The following ACACB variants were observed in gnomAD, a reference collection of about 807,000 sequenced individuals.
ACACB encodes acetyl-CoA carboxylase beta, also known as acetyl-CoA carboxylase 2.
Under a neutral mutation model 278.8 loss-of-function variants are expected in ACACB, and 209 were observed. The observed-to-expected ratio is 0.75, with a 90% CI of 0.67 to 0.84. The LOEUF is 0.84. Ranked by LOEUF, ACACB falls within the 40% of genes least tolerant of loss-of-function variation. The pLI, the probability that ACACB is intolerant of heterozygous loss-of-function variation, is 0.00. For missense variants in ACACB, 2,850 were observed against 3,269.0 expected (o/e 0.87, Z 3.13); for synonymous variants, 1,174 against 1,285.6 (o/e 0.91, Z 1.86).
intron 34 of ACACB, among the ~76,000 whole-genome samples, chr12:109,238,440 TATAAC>T (rs1249532216): frequency 1.6e-4 from 20 of 128,426 alleles, no homozygotes; most frequent in African/African-American, 5.5e-4. Flanking sequence ...TATTATATAA[TATAAC>T]ATATAATATA....
At chr12:109,125,137 CTA>C (rs1181661606) in intron 1 of ACACB, 1 of 152,130 alleles carries the variant, frequency 6.6e-6, no homozygotes, top group African/African-American at 2.4e-5. Flanking sequence ...GGGGCTAAGT[CTA>C]TTTTCAGAGT....
intron 2 of ACACB, among the ~76,000 whole-genome samples, chr12:109,145,702 A>G (rs1212372759): frequency 1.3e-5 from 2 of 152,034 alleles, no homozygotes; most frequent in Non-Finnish European, 2.9e-5. Context: ...TCTGAAAAAA[A>G]ATATTATTTT....
At chr12:109,151,492 A>G (rs1378147352) in intron 2 of ACACB, among the ~76,000 whole-genome samples, 2 of 151,896 alleles carry the variant, frequency 1.3e-5, no homozygotes, top group Non-Finnish European at 2.9e-5. Context: ...GAAAGAGATT[A>G]TTTCATTTTG....
At chr12:109,214,198 G>T (rs985724590) in intron 22 of ACACB, among the ~76,000 whole-genome samples, 3 of 152,138 alleles carry the variant, frequency 2.0e-5, no homozygotes, top group Non-Finnish European at 4.4e-5. Flanking sequence ...GGAGTTCGAG[G>T]TTATAGTGAG....
intron 46 of ACACB, 76 bp downstream of exon 46, chr12:109,258,440 C>G (rs2047288753): frequency 5.7e-6 from 7 of 1,232,450 alleles, no homozygotes; most frequent in Non-Finnish European, 8.1e-6. Flanking sequence ...GTGGGGGTCC[C>G]ATCCCTGCCC....
intron 2 of ACACB, among the ~76,000 whole-genome samples, chr12:109,155,673 A>G (rs1430186184): frequency 1.3e-5 from 2 of 151,870 alleles, no homozygotes; most frequent in East Asian, 3.9e-4. Context: ...ATTCAACATT[A>G]AGTATTTTTC....
At chr12:109,143,938 G>A (rs944720036) in intron 2 of ACACB, among the ~76,000 whole-genome samples, 2 of 152,112 alleles carry the variant, frequency 1.3e-5, no homozygotes, top group African/African-American at 4.8e-5. Context: ...AGACTGAGGT[G>A]GGAGGATCCC....
chr12:109,195,278 T>G (rs1001857188), intron 16 of ACACB, among the ~76,000 whole-genome samples: 1 of 152,250 alleles, frequency 6.6e-6, no homozygotes, highest in Non-Finnish European at 1.5e-5. Context: ...AGTTTGAGTC[T>G]GCTTATGAGA....
At chr12:109,139,305 C>A in intron 1 of ACACB, 92 bp from the exon 2 acceptor site, 1 of 1,206,130 alleles carries the variant, frequency 8.3e-7, no homozygotes, top group Non-Finnish European at 1.2e-6. Flanking sequence ...GAATACACAG[C>A]ACCCCAACAG....
At position 109,179,282 on chromosome 12, in the gene ACACB, C is replaced by T. The variant is rs1162445558; in HGVS notation, c.1632C>T (p.Phe544=). ...CCACCATCGCCCCGCTGGCCATATT[C>T]GAGTTCATGGAGCAGGTACACTTCT... ...APATIAPLAI[F]EFMEQCAIRL... The change falls in exon 10 of 53, where the codon TTC becomes TTT. Residue 544 remains phenylalanine (F), a synonymous_variant. Transcript: ENST00000338432. 7 of 1,613,492 alleles carry T rather than the reference C, an allele frequency of 4.3e-6. No individual in the cohort carries two copies. In the Admixed American group the frequency reaches 5.0e-5, roughly 12 times the overall value.
chr12:109,216,522 T>A, intron 22 of ACACB, 96 bp from the exon 23 acceptor site: 1 of 1,296,816 alleles, frequency 7.7e-7, no homozygotes, highest in Non-Finnish European at 1.1e-6. Flanking sequence ...GCCCAGCCAA[T>A]CCTTTCTCTT....
At chr12:109,248,710 TC>T (rs1268765676) in intron 40 of ACACB, among the ~76,000 whole-genome samples, 1 of 152,186 alleles carries the variant, frequency 6.6e-6, no homozygotes, top group Non-Finnish European at 1.5e-5. Context: ...GGATGGGTCT[TC>T]CTCTCCCAGT....
chr12:109,137,405 ATCCTAGCACTTTGGGAGGCAGAGG>A (rs2042992170), intron 1 of ACACB, among the ~76,000 whole-genome samples: 1 of 152,184 alleles, frequency 6.6e-6, no homozygotes, highest in African/African-American at 2.4e-5. Flanking sequence ...CACGCCTGTA[ATCCTAGCACTTTGGGAGGCAGAGG>A]TGGGCGGATC....
chr12:109,243,730 A>G (rs184666144), intron 37 of ACACB, among the ~76,000 whole-genome samples: 181 of 152,272 alleles, frequency 1.2e-3, no homozygotes, highest in Non-Finnish European at 2.0e-3. Context: ...CCCACCATCA[A>G]TGCCTGAAAG....
intron 1 of ACACB, chr12:109,125,279 C>T (rs1488763729): frequency 6.6e-6 from 1 of 152,160 alleles, no homozygotes; most frequent in Admixed American, 6.6e-5. Flanking sequence ...CGTTTGCAGC[C>T]TCTCTTTGGT....
At chr12:109,175,656 G>A (rs570969996) in intron 7 of ACACB, among the ~76,000 whole-genome samples, 119 of 152,162 alleles carry the variant, frequency 7.8e-4, no homozygotes, top group African/African-American at 2.6e-3. Context: ...GGGTTCAAGC[G>A]ATTCCCCCCA....
chr12:109,151,876 G>A (rs546030248), intron 2 of ACACB, among the ~76,000 whole-genome samples: 6 of 152,326 alleles, frequency 3.9e-5, no homozygotes, highest in African/African-American at 1.4e-4. Flanking sequence ...TTAGGTTGGT[G>A]CAAAAGTAAT....
chr12:109,179,324 G>C (rs750905716), intron 10 of ACACB, 27 bp downstream of exon 10: 2 of 1,602,704 alleles, frequency 1.2e-6, no homozygotes, highest in Non-Finnish European at 1.7e-6. Context: ...CCAGGGGGCA[G>C]CTTCAGAGAG....
At chr12:109,133,863 A>ATATATATTT (rs55881936) in intron 1 of ACACB, among the ~76,000 whole-genome samples, 2 of 70,652 alleles carry the variant, frequency 2.8e-5, no homozygotes, top group South Asian at 3.6e-4. Context: ...ATATATATAT[A>ATATATATTT]TTTTTTTTTT....
Sources: gnomAD v4.1 joint callset for allele counts (sites outside exome capture counted in the v4.1 genomes callset) on GRCh38, gnomAD v4.1.1 for gene constraint, MANE v1.5 for transcripts, NCBI Gene and HGNC (gene_info 2026-07-23, HGNC 2026-07-21) for gene names.